LOC128092252: variants seen among roughly 807,000 people sequenced by gnomAD.
the LOC128092252 span, among the ~76,000 whole-genome samples, chr15:50,650,826 G>T: frequency 6.6e-6 from 1 of 152,188 alleles, no homozygotes; most frequent in African/African-American, 2.4e-5. Context: ...TCTAAAACTC[G>T]CTAGTGGAAT....
chr15:50,676,914 C>G, the LOC128092252 span, among the ~76,000 whole-genome samples: 14 of 152,298 alleles, frequency 9.2e-5, no homozygotes, highest in Middle Eastern at 3.4e-3. Context: ...AGATCGTACA[C>G]ATGGGGCAGC....
chr15:50,682,189 AAAG>A, the LOC128092252 span, among the ~76,000 whole-genome samples: 6 of 148,832 alleles, frequency 4.0e-5, no homozygotes, highest in Non-Finnish European at 9.0e-5. Flanking sequence ...AAAAAAAAAA[AAAG>A]GACTGTGACC....
the LOC128092252 span, among the ~76,000 whole-genome samples, chr15:50,657,027 ACAAAAAATAAAATCAG>A: frequency 2.0e-5 from 3 of 152,136 alleles, no homozygotes; most frequent in African/African-American, 7.2e-5. Context: ...AACTGCTCTT[ACAAAAAATAAAATCAG>A]CCGGGCCTGG....
chr15:50,678,248 A>AC, the LOC128092252 span, among the ~76,000 whole-genome samples: 1 of 126,104 alleles, frequency 7.9e-6, no homozygotes, highest in South Asian at 2.4e-4. Context: ...TCAAAAAAAA[A>AC]AAACAAAAAC....
the LOC128092252 span, among the ~76,000 whole-genome samples, chr15:50,665,538 A>C: frequency 6.6e-6 from 1 of 152,186 alleles, no homozygotes; most frequent in Non-Finnish European, 1.5e-5. Flanking sequence ...ACCAACATTC[A>C]ACACTTTATA....
At chr15:50,663,185 A>G in the LOC128092252 span, 1 of 642,686 alleles carries the variant, frequency 1.6e-6, no homozygotes, top group Admixed American at 2.8e-5. Context: ...CTGGAGAGCA[A>G]TGGTGTGATC....
At chr15:50,654,171 C>T in the LOC128092252 span, among the ~76,000 whole-genome samples, 2 of 152,066 alleles carry the variant, frequency 1.3e-5, no homozygotes, top group Non-Finnish European at 2.9e-5. Context: ...AATTATTGGC[C>T]GGGTGCAGTG....
At chr15:50,656,305 G>GT in the LOC128092252 span, among the ~76,000 whole-genome samples, 34 of 149,916 alleles carry the variant, frequency 2.3e-4, no homozygotes, top group Admixed American at 1.3e-3. Context: ...CTTTTTGTTT[G>GT]TTTTTTTTTC....
chr15:50,685,352 G>C, the LOC128092252 span, among the ~76,000 whole-genome samples: 2 of 152,184 alleles, frequency 1.3e-5, no homozygotes, highest in Admixed American at 6.5e-5. Flanking sequence ...AGCTACTCGG[G>C]AGCCTGAGGC....
At chr15:50,650,937 C>A in the LOC128092252 span, among the ~76,000 whole-genome samples, 1 of 152,172 alleles carries the variant, frequency 6.6e-6, no homozygotes, top group Admixed American at 6.6e-5. Flanking sequence ...ACATGTAATC[C>A]TAGTATTTTT....
chr15:50,657,775 A>T, the LOC128092252 span: 25 of 1,611,386 alleles, frequency 1.6e-5, no homozygotes, highest in Non-Finnish European at 2.0e-5. Context: ...GTTATGTTAA[A>T]CTTACCTGAC....
the LOC128092252 span, chr15:50,686,543 G>T: frequency 1.2e-6 from 2 of 1,610,844 alleles, no homozygotes; most frequent in Non-Finnish European, 8.5e-7. Context: ...TTCTCCTCAC[G>T]GGGCGGACTC....
chr15:50,679,251 C>G, the LOC128092252 span, among the ~76,000 whole-genome samples: 2 of 150,896 alleles, frequency 1.3e-5, no homozygotes, highest in Admixed American at 1.3e-4. Context: ...GGCAGGATCA[C>G]TTGAGCCTAG....
At chr15:50,656,189 G>C in the LOC128092252 span, among the ~76,000 whole-genome samples, 1 of 152,096 alleles carries the variant, frequency 6.6e-6, no homozygotes, top group Non-Finnish European at 1.5e-5. Flanking sequence ...AAACTCTTTG[G>C]CATCGTCAAA....
chr15:50,668,003 GTT>G, the LOC128092252 span, among the ~76,000 whole-genome samples: 1 of 152,130 alleles, frequency 6.6e-6, no homozygotes, highest in Non-Finnish European at 1.5e-5. Context: ...TGATTATTAT[GTT>G]AAATTATTGT....
chr15:50,677,748 A>C, the LOC128092252 span, among the ~76,000 whole-genome samples: 18 of 148,140 alleles, frequency 1.2e-4, no homozygotes, highest in Non-Finnish European at 7.5e-5. Context: ...CAAAAAAAAA[A>C]AAAAAAAAAA....
At chr15:50,668,822 GTA>G in the LOC128092252 span, among the ~76,000 whole-genome samples, 1 of 142,726 alleles carries the variant, frequency 7.0e-6, no homozygotes, top group African/African-American at 2.5e-5. Context: ...ATAGATATTT[GTA>G]TAAGTGCAGT....
At chr15:50,662,885 T>G in the LOC128092252 span, 3 of 986,154 alleles carry the variant, frequency 3.0e-6, no homozygotes, top group Non-Finnish European at 4.7e-6. Context: ...TATTTAGTGG[T>G]TTTTGTTTCC....
the LOC128092252 span, among the ~76,000 whole-genome samples, chr15:50,667,480 C>T: frequency 0.35 from 53,158 of 152,100 alleles, 10,496 homozygotes; most frequent in Admixed American, 0.48. Context: ...CCAAGGTGGG[C>T]GGATCACTTG....
Sources: allele counts gnomAD v4.1 joint callset (sites outside exome capture counted in the v4.1 genomes callset), GRCh38; gene constraint gnomAD v4.1.1; transcripts MANE v1.5.